Variants in CSMD3 observed in about 807,000 individuals in gnomAD.
The protein encoded by CSMD3 is CUB and sushi domain-containing protein 3.
In CSMD3, 177 loss-of-function variants were observed where a neutral mutation model predicts 435.2. The observed-to-expected ratio is 0.41, with a 90% CI of 0.36 to 0.46. The LOEUF is 0.46. Ranked by LOEUF, CSMD3 falls within the 20% of genes least tolerant of loss-of-function variation. The pLI is 0.34. For missense variants in CSMD3, 4,265 were observed against 4,504.6 expected, an observed-to-expected ratio of 0.95 and a Z score of 1.52; for synonymous variants, 1,656 against 1,520.5, an observed-to-expected ratio of 1.09 and a Z score of -2.07.
chr8:112,377,881 A>G (rs931924584), intron 38 of CSMD3, among the ~76,000 whole-genome samples: 24 of 152,248 alleles, frequency 1.6e-4, no homozygotes, highest in African/African-American at 5.5e-4. Flanking sequence ...AAAAGCCCAT[A>G]ACTAACATCA....
intron 1 of CSMD3, among the ~76,000 whole-genome samples, chr8:113,410,897 C>A (rs1361339320): frequency 6.9e-5 from 4 of 57,820 alleles, no homozygotes; most frequent in African/African-American, 3.6e-4. Context: ...GAGCAAAACC[C>A]TGTGAAAGAA....
At position 112,990,765 on chromosome 8, in the gene CSMD3, C is replaced by G. The variant is rs563489545; in HGVS notation, c.1031-14617G>C. On this transcript the variant is annotated intron_variant, in intron 6 of 70. Transcript: ENST00000297405. The stretch of plus-strand genomic sequence containing the variant: ...GAGAGCATATTATGAGAATATAGTA[C>G]AGCAGATTATGACACAAGCCATGAG... 2.0e-5 allele frequency among the ~76,000 whole-genome samples: 3 copies of G among 151,824 alleles called. No homozygotes were observed. In the South Asian group the frequency reaches 6.2e-4, roughly 32 times the overall value.
intron 61 of CSMD3, among the ~76,000 whole-genome samples, chr8:112,261,522 ATGTGTG>A (rs373332577): frequency 1.3e-5 from 2 of 150,538 alleles, no homozygotes; most frequent in Admixed American, 6.6e-5. Flanking sequence ...ACGTGTATGC[ATGTGTG>A]TGTGTGTGTG....
At chr8:112,561,853 A>G (rs1417535954) in intron 24 of CSMD3, among the ~76,000 whole-genome samples, 1 of 151,604 alleles carries the variant, frequency 6.6e-6, no homozygotes, top group Non-Finnish European at 1.5e-5. Flanking sequence ...ATTGCGTTTT[A>G]TCTTTATAAT....
At chr8:112,649,518 T>C (rs558419817) in intron 19 of CSMD3, among the ~76,000 whole-genome samples, 2 of 152,202 alleles carry the variant, frequency 1.3e-5, no homozygotes, top group African/African-American at 2.4e-5. Flanking sequence ...TGGATTTACA[T>C]TGAGTGTGCT....
chr8:112,275,977 T>C lies in CSMD3; in HGVS notation c.9508+5197A>G, dbSNP rs1343928093. 2.0e-5 allele frequency among the ~76,000 whole-genome samples: 3 copies of C among 152,262 alleles called. No homozygotes were observed. In the South Asian group the frequency reaches 6.2e-4, roughly 32 times the overall value. Reference sequence around the variant, plus strand: ...ATTTCAGTATTAACTCAAAAGTCCATAGTCCCAAACCTCATCTGACACAAG... The same window carrying C: ...ATTTCAGTATTAACTCAAAAGTCCACAGTCCCAAACCTCATCTGACACAAG... On this transcript the variant is annotated intron_variant, in intron 59 of 70. Transcript: ENST00000297405.
intron 4 of CSMD3, among the ~76,000 whole-genome samples, chr8:113,114,779 A>C (rs907327811): frequency 6.6e-6 from 1 of 152,196 alleles, no homozygotes. Context: ...ATGGCAGCCT[A>C]GTTTGAAACA....
At chr8:113,101,799 A>G (rs1223051585) in intron 4 of CSMD3, among the ~76,000 whole-genome samples, 1 of 152,102 alleles carries the variant, frequency 6.6e-6, no homozygotes, top group Admixed American at 6.6e-5. Context: ...GACAGAGACT[A>G]TCATAGAATC....
intron 3 of CSMD3, among the ~76,000 whole-genome samples, chr8:113,218,198 C>T (rs1194889798): frequency 2.0e-5 from 3 of 148,276 alleles, no homozygotes; most frequent in African/African-American, 7.4e-5. Flanking sequence ...ACATGAGGCA[C>T]AAAACTATAG....
intron 2 of CSMD3, among the ~76,000 whole-genome samples, chr8:113,279,545 G>C (rs921903630): frequency 1.3e-5 from 2 of 151,670 alleles, no homozygotes; most frequent in Non-Finnish European, 3.0e-5. Flanking sequence ...ACATTGTGAA[G>C]AATTGTTCAC....
intron 27 of CSMD3, among the ~76,000 whole-genome samples, chr8:112,525,747 T>C (rs1238582117): frequency 1.5e-5 from 2 of 134,984 alleles, no homozygotes; most frequent in South Asian, 2.3e-4. Context: ...AAACCATATA[T>C]ATACATATAT....
intron 13 of CSMD3, among the ~76,000 whole-genome samples, chr8:112,732,070 GTA>G (rs1200570280): frequency 3.3e-5 from 5 of 152,008 alleles, no homozygotes; most frequent in Admixed American, 2.6e-4. Flanking sequence ...GTGTGTGTAT[GTA>G]TGTGTGTGTG....
At chr8:113,230,292 G>GT (rs1325873874) in intron 3 of CSMD3, among the ~76,000 whole-genome samples, 4 of 151,410 alleles carry the variant, frequency 2.6e-5, no homozygotes, top group Non-Finnish European at 4.4e-5. Context: ...TTGAACTTCA[G>GT]TTTTTTTTCC....
Position 113,270,719 on chromosome 8 carries a change from G to A in CSMD3, c.514+7873C>T, listed in dbSNP as rs541476433. On this transcript the variant is annotated intron_variant, in intron 3 of 70. Transcript: ENST00000297405. The stretch of plus-strand genomic sequence containing the variant: ...AAACCATCACTCTCAGCAAACTATC[G>A]CAAGGACAAAATACCAAACACCGCA... Among the ~76,000 whole-genome samples the A allele has an allele frequency of 3.6e-4, 54 of 151,690 alleles. 1 individual carries two copies. The highest frequency in any genetic ancestry group is 3.4e-3 in the Middle Eastern group (1 of 294).
intron 32 of CSMD3, among the ~76,000 whole-genome samples, chr8:112,435,912 T>A (rs756220550): frequency 1.3e-5 from 2 of 152,132 alleles, no homozygotes; most frequent in East Asian, 3.9e-4. Flanking sequence ...TTTTTTGTAT[T>A]TATGACCATA....
In CSMD3 at chr8:112,223,680, A is replaced by G. The variant is rs1812338955; in HGVS notation, c.*1091T>C. ...AAATTTATATTGGTGATTTATAATA[A>G]TAATTTTTTTCAGTCATTATGTTTA... On this transcript the variant is annotated 3_prime_UTR_variant, in exon 71 of 71. Coordinates refer to ENST00000297405, the MANE Select transcript of CSMD3 (RefSeq NM_198123.2). 6.6e-6 allele frequency: 1 copy of G among 152,210 alleles called. No homozygotes were observed. Among genetic ancestry groups the G allele is most frequent in the Non-Finnish European group, 1.5e-5 (1 of 68,024 alleles). The allele number at this position is 152,210 out of a possible 1,614,324, so 9.4% of individuals were successfully genotyped here.
chr8:112,503,896 T>C lies in CSMD3; in HGVS notation c.4977A>G (p.Gln1659=), dbSNP rs749095491. 6.2e-7 allele frequency: 1 copy of C among 1,613,012 alleles called. No individual in the cohort carries two copies. The highest frequency in any genetic ancestry group is 8.5e-7 in the Non-Finnish European group (1 of 1,179,292). The change falls in exon 30 of 71, where the codon CAA becomes CAG. Residue 1659 remains glutamine (Q), a synonymous_variant. Coordinates refer to ENST00000297405, the MANE Select transcript of CSMD3 (RefSeq NM_198123.2). The part of the protein sequence containing the change: ...DSNSPLIGSF[Q]DSKLPERIES... ...CTATTCTCTCTGGTAACTTGCTGTC[T>C]TGAAAACTTCCAATCAGTGGGCTAT...
chr8:112,735,738 C>A lies in CSMD3; in HGVS notation c.1973-45688G>T, dbSNP rs114052644. 4.0e-3 allele frequency among the ~76,000 whole-genome samples: 614 copies of A among 152,062 alleles called. 3 individuals carry two copies. Among genetic ancestry groups the A allele is most frequent in the African/African-American group, 0.014 (582 of 41,526 alleles). ...ATGTCAGAAAAATACATGTTTCAGGCAACGTCATTCTCATATTGATCACTG... is the reference window on the plus strand; with the variant it reads ...ATGTCAGAAAAATACATGTTTCAGGAAACGTCATTCTCATATTGATCACTG... On this transcript the variant is annotated intron_variant, in intron 13 of 70. Transcript: ENST00000297405.
chr8:112,283,023 AT>A (rs1818815735), intron 58 of CSMD3, among the ~76,000 whole-genome samples: 1 of 152,054 alleles, frequency 6.6e-6, no homozygotes. Flanking sequence ...CTTTTCCAAA[AT>A]TATTTACTTC....
Sources: gnomAD v4.1 joint callset for allele counts (sites outside exome capture counted in the v4.1 genomes callset) on GRCh38, gnomAD v4.1.1 for gene constraint, MANE v1.5 for transcripts, NCBI Gene and HGNC (gene_info 2026-07-23, HGNC 2026-07-21) for gene names.